The following EYS variants were observed in gnomAD, a reference collection of about 807,000 sequenced individuals.
EYS encodes EGF-like photoreceptor maintenance factor.
Under a neutral mutation model 282.1 loss-of-function variants are expected in EYS, and 250 were observed. That is an observed-to-expected ratio of 0.89 (90% CI 0.80 to 0.98). EYS has a LOEUF of 0.98. Among genes scored for constraint, EYS ranks in the 50% least tolerant of loss-of-function variants. The pLI is 0.00. For synonymous variants in EYS, 1,355 were observed against 1,282.9 expected (o/e 1.06, Z -1.20); for missense variants, 4,016 against 3,709.0 (o/e 1.08, Z -2.15).
At chr6:64,903,230 T>C (rs1489116809) in intron 16 of EYS, among the ~76,000 whole-genome samples, 1 of 152,152 alleles carries the variant, frequency 6.6e-6, no homozygotes, top group East Asian at 1.9e-4. Context: ...CTTGTTAATA[T>C]TTTTTCTGTA....
chr6:65,306,588 G>A (rs150872041), intron 11 of EYS, among the ~76,000 whole-genome samples: 52 of 151,250 alleles, frequency 3.4e-4, no homozygotes, highest in African/African-American at 1.2e-3. Context: ...TTCGTGTTCC[G>A]CATTATTTGA....
chr6:65,351,190 T>G (rs1764261523), intron 9 of EYS, among the ~76,000 whole-genome samples: 2 of 151,956 alleles, frequency 1.3e-5, no homozygotes, highest in South Asian at 2.1e-4. Flanking sequence ...AGTGTTTTAC[T>G]TAAACATTCA....
At chr6:64,647,741 CT>C (rs897257952) in intron 22 of EYS, among the ~76,000 whole-genome samples, 14 of 152,034 alleles carry the variant, frequency 9.2e-5, no homozygotes, top group Non-Finnish European at 1.8e-4. Flanking sequence ...ATTCTTCAAA[CT>C]TTTTTTCTTT....
intron 31 of EYS, among the ~76,000 whole-genome samples, chr6:64,172,896 C>T (rs769023433): frequency 5.9e-5 from 9 of 152,256 alleles, no homozygotes; most frequent in South Asian, 2.1e-4. Context: ...TGTTTCGTCT[C>T]GAAACCATCC....
At chr6:65,128,312 T>C (rs941711541) in intron 12 of EYS, among the ~76,000 whole-genome samples, 2 of 151,982 alleles carry the variant, frequency 1.3e-5, no homozygotes, top group African/African-American at 4.8e-5. Flanking sequence ...CAATATAGTA[T>C]TGAAAATCCT....
At chr6:64,850,566 A>ACTTCT (rs1765851839) in intron 19 of EYS, among the ~76,000 whole-genome samples, 1 of 152,114 alleles carries the variant, frequency 6.6e-6, no homozygotes, top group Non-Finnish European at 1.5e-5. Flanking sequence ...GGAGGAATTA[A>ACTTCT]ACAGCTAGAA....
intron 8 of EYS, among the ~76,000 whole-genome samples, chr6:65,367,178 G>A (rs1317905060): frequency 6.6e-6 from 1 of 151,498 alleles, no homozygotes; most frequent in Non-Finnish European, 1.5e-5. Flanking sequence ...TTTACGTTCT[G>A]GTTTCTTTCC....
chr6:65,147,577 A>G (rs1000386789), intron 12 of EYS, among the ~76,000 whole-genome samples: 13 of 152,050 alleles, frequency 8.5e-5, no homozygotes, highest in Non-Finnish European at 1.9e-4. Context: ...TTCTAAATCT[A>G]ATCATATCTT....
At chr6:63,725,139 T>C (rs1170386839) in intron 42 of EYS, among the ~76,000 whole-genome samples, 1 of 152,160 alleles carries the variant, frequency 6.6e-6, no homozygotes, top group Non-Finnish European at 1.5e-5. Context: ...ATGATTTTCT[T>C]ATATAAGTGT....
At chr6:64,108,507 C>CTTTTTTTT (rs530004392) in intron 31 of EYS, among the ~76,000 whole-genome samples, 42 of 116,840 alleles carry the variant, frequency 3.6e-4, no homozygotes, top group African/African-American at 9.4e-4. Flanking sequence ...TCCACTACTG[C>CTTTTTTTT]TTTTTTTTTT....
At chr6:63,951,582 C>T (rs6931311) in intron 35 of EYS, among the ~76,000 whole-genome samples, 3 of 152,064 alleles carry the variant, frequency 2.0e-5, no homozygotes, top group African/African-American at 7.2e-5. Context: ...GGTCACTCCC[C>T]ACCAGGCTGA....
chr6:64,161,673 G>C (rs11967277), intron 31 of EYS, among the ~76,000 whole-genome samples: 8,475 of 152,130 alleles, frequency 0.056, 773 homozygotes, highest in African/African-American at 0.19. Context: ...TTGTTAAATA[G>C]AAAATGAACA....
At chr6:64,053,173 G>C (rs1770871149) in intron 33 of EYS, among the ~76,000 whole-genome samples, 1 of 151,770 alleles carries the variant, frequency 6.6e-6, no homozygotes, top group Admixed American at 6.6e-5. Context: ...CCAATTGCAT[G>C]TTTCTTTCAA....
intron 33 of EYS, among the ~76,000 whole-genome samples, chr6:64,027,832 C>A (rs1013248249): frequency 2.6e-5 from 4 of 152,150 alleles, no homozygotes; most frequent in Non-Finnish European, 4.4e-5. Context: ...CTGGGGCAAG[C>A]GCCAGCTCAT....
chr6:64,334,072 C>T (rs1770747316), intron 29 of EYS, among the ~76,000 whole-genome samples: 1 of 152,288 alleles, frequency 6.6e-6, no homozygotes, highest in East Asian at 1.9e-4. Context: ...AACAACTTGC[C>T]TAGGTCAACA....
At chr6:65,597,432 GTACTCCCA>G (rs1765448197) in intron 2 of EYS, among the ~76,000 whole-genome samples, 1 of 152,064 alleles carries the variant, frequency 6.6e-6, no homozygotes, top group Non-Finnish European at 1.5e-5. Context: ...CACTCCCAGT[GTACTCCCA>G]GTACTAAGTA....
At chr6:65,400,815 T>C (rs750865102) in intron 7 of EYS, among the ~76,000 whole-genome samples, 10 of 151,938 alleles carry the variant, frequency 6.6e-5, no homozygotes, top group Non-Finnish European at 1.5e-4. Flanking sequence ...CCTTTTCACC[T>C]TGACACATTT....
chr6:63,789,647 G>A (rs2149671165), intron 37 of EYS, among the ~76,000 whole-genome samples: 1 of 152,278 alleles, frequency 6.6e-6, no homozygotes, highest in South Asian at 2.1e-4. Context: ...TTTGAGAATA[G>A]GATAAAGACC....
intron 7 of EYS, among the ~76,000 whole-genome samples, chr6:65,390,805 G>A (rs1765999157): frequency 6.6e-6 from 1 of 151,850 alleles, no homozygotes; most frequent in Non-Finnish European, 1.5e-5. Context: ...GATTGCTTGA[G>A]CCCAGGAGGT....
Sources: gnomAD v4.1 joint callset for allele counts (sites outside exome capture counted in the v4.1 genomes callset) on GRCh38, gnomAD v4.1.1 for gene constraint, MANE v1.5 for transcripts, NCBI Gene and HGNC (gene_info 2026-07-23, HGNC 2026-07-21) for gene names.